TBC1D1: variants seen among roughly 807,000 people sequenced by gnomAD.
The protein encoded by TBC1D1 is TBC1 (tre-2/USP6, BUB2, cdc16) domain family, member 1.
Under a neutral mutation model 125.6 loss-of-function variants are expected in TBC1D1, and 89 were observed. The observed-to-expected ratio is 0.71, with a 90% CI of 0.60 to 0.85. The LOEUF (loss-of-function observed/expected upper bound fraction) is 0.85, where lower values mean the gene tolerates loss of function less well. Ranked by LOEUF, TBC1D1 falls within the 40% of genes least tolerant of loss-of-function variation. The probability of loss-of-function intolerance (pLI) is 0.00; values close to 1 mark genes in which losing one functional copy is unlikely to be tolerated. For synonymous variants in TBC1D1, 565 were observed against 564.1 expected (o/e 1.00, Z -0.02); for missense variants, 1,377 against 1,469.2 (o/e 0.94, Z 1.03).
intron 2 of TBC1D1, chr4:37,960,448 T>A (rs1384338355): frequency 6.2e-7 from 1 of 1,613,472 alleles, no homozygotes; most frequent in Non-Finnish European, 8.5e-7. Context: ...GCTACTCTGA[T>A]CTACGTTGAT....
At chr4:38,067,154 T>C (rs903329500) in intron 12 of TBC1D1, among the ~76,000 whole-genome samples, 4 of 152,170 alleles carry the variant, frequency 2.6e-5, no homozygotes, top group Non-Finnish European at 5.9e-5. Context: ...GGATTACAGG[T>C]GTGAGCCACG....
At position 38,035,577 on chromosome 4, in the gene TBC1D1, T is replaced by C. The variant is rs763186976; in HGVS notation, c.1303-11T>C. The C allele has an allele frequency of 6.2e-7, 1 of 1,604,518 alleles. No homozygotes were observed. The highest frequency in any genetic ancestry group is 8.5e-7 in the Non-Finnish European group (1 of 1,173,258). The stretch of plus-strand genomic sequence containing the variant: ...TAAAAATAAATCCTGTTTCTGATTT[T>C]TGTTTTAAAGAAATTGAGACCGAGA... On this transcript the variant is annotated splice_polypyrimidine_tract_variant and intron_variant, in intron 7 of 19. Transcript: ENST00000261439.
intron 12 of TBC1D1, among the ~76,000 whole-genome samples, chr4:38,069,979 C>T (rs1401844987): frequency 6.6e-6 from 1 of 152,074 alleles, no homozygotes; most frequent in Non-Finnish European, 1.5e-5. Flanking sequence ...GATTGGCCAC[C>T]CCTGTCCTAG....
chr4:38,117,997 C>A, intron 16 of TBC1D1, 36 bp from the exon 19 acceptor site: 1 of 1,605,586 alleles, frequency 6.2e-7, no homozygotes, highest in South Asian at 1.1e-5. Context: ...TGTGGCAGAT[C>A]CCTAATTCTC....
chr4:38,035,838 A>T, intron 8 of TBC1D1, 140 bp downstream of exon 8: 4 of 686,224 alleles, frequency 5.8e-6, no homozygotes, highest in Non-Finnish European at 1.0e-5. Flanking sequence ...ATAGAGGGGA[A>T]ATTTGGGAGT....
intron 19 of TBC1D1, 113 bp from the exon 22 acceptor site, chr4:38,137,022 C>T (rs1181187488): frequency 2.6e-6 from 4 of 1,534,788 alleles, no homozygotes; most frequent in Non-Finnish European, 3.6e-6. Context: ...GTAGACTCAT[C>T]CCTGCTGAAA....
intron 6 of TBC1D1, among the ~76,000 whole-genome samples, chr4:38,027,403 G>A (rs189440419): frequency 6.6e-6 from 1 of 152,296 alleles, no homozygotes; most frequent in Admixed American, 6.5e-5. Context: ...TGGGCGTGTT[G>A]CTTGAGCTCA....
intron 12 of TBC1D1, among the ~76,000 whole-genome samples, chr4:38,069,678 C>T (rs1056275136): frequency 3.3e-5 from 5 of 152,088 alleles, no homozygotes; most frequent in Admixed American, 3.3e-4. Context: ...GCCTCAGGGG[C>T]ACCCACGTAG....
At chr4:38,120,225 C>A in intron 17 of TBC1D1, 2 of 637,614 alleles carry the variant, frequency 3.1e-6, no homozygotes, top group Non-Finnish European at 3.9e-6. Flanking sequence ...TCCTGCTGTG[C>A]TAAGTGGGTC....
chr4:37,913,651 G>A (rs1022694214), intron 2 of TBC1D1, among the ~76,000 whole-genome samples: 25 of 151,024 alleles, frequency 1.7e-4, no homozygotes, highest in Non-Finnish European at 3.2e-4. Context: ...GTGTGTGTGT[G>A]TGTATATATA....
intron 6 of TBC1D1, among the ~76,000 whole-genome samples, chr4:38,022,624 T>TGGTG (rs1425643234): frequency 3.3e-5 from 5 of 152,182 alleles, no homozygotes; most frequent in Non-Finnish European, 7.3e-5. Context: ...CCGAATGGAA[T>TGGTG]GGTGGGGGTT....
At chr4:38,105,321 ATGT>A (rs1270973853) in intron 15 of TBC1D1, among the ~76,000 whole-genome samples, 3 of 152,284 alleles carry the variant, frequency 2.0e-5, no homozygotes, top group African/African-American at 7.2e-5. Context: ...GATCAGGTAG[ATGT>A]TGTTCTGTTT....
intron 11 of TBC1D1, 87 bp from the exon 13 acceptor site, chr4:38,053,019 A>T: frequency 9.9e-7 from 1 of 1,012,138 alleles, no homozygotes; most frequent in East Asian, 3.3e-5. Flanking sequence ...TAGAACAAAA[A>T]TGTTTCTTTT....
chr4:37,902,905 G>A (rs1443491441), intron 2 of TBC1D1, among the ~76,000 whole-genome samples: 2 of 152,332 alleles, frequency 1.3e-5, no homozygotes, highest in East Asian at 3.9e-4. Flanking sequence ...TGGACCCCAA[G>A]ACTGCATTTG....
At chr4:37,919,503 T>C (rs972349499) in intron 2 of TBC1D1, among the ~76,000 whole-genome samples, 1 of 152,068 alleles carries the variant, frequency 6.6e-6, no homozygotes, top group Non-Finnish European at 1.5e-5. Context: ...TATATTTTAA[T>C]TTGATCACAG....
chr4:37,996,884 C>T (rs913504674), intron 2 of TBC1D1, among the ~76,000 whole-genome samples: 2 of 152,214 alleles, frequency 1.3e-5, no homozygotes, highest in African/African-American at 4.8e-5. Context: ...GAGATCCAAC[C>T]CACACTTGGC....
chr4:38,044,245 CACAG>C, intron 8 of TBC1D1, 113 bp from the exon 9 acceptor site: 1 of 1,180,334 alleles, frequency 8.5e-7, no homozygotes, highest in Non-Finnish European at 1.2e-6. Flanking sequence ...GAGGTGAGAT[CACAG>C]ACAGGATCAG....
intron 14 of TBC1D1, among the ~76,000 whole-genome samples, chr4:38,098,428 G>C (rs1285353719): frequency 2.0e-5 from 3 of 152,312 alleles, no homozygotes; most frequent in East Asian, 3.9e-4. Flanking sequence ...CTGGCACCTG[G>C]ATATTTGTTT....
intron 7 of TBC1D1, among the ~76,000 whole-genome samples, chr4:38,033,419 C>T (rs1036623762): frequency 2.6e-5 from 4 of 151,828 alleles, no homozygotes; most frequent in Admixed American, 6.6e-5. Context: ...TTTAGGTTTA[C>T]AGGAAAATTG....
Sources: allele counts gnomAD v4.1 joint callset (sites outside exome capture counted in the v4.1 genomes callset), GRCh38; gene constraint gnomAD v4.1.1; transcripts MANE v1.5; gene names NCBI Gene and HGNC (gene_info 2026-07-23, HGNC 2026-07-21).